Variants in TRPM2 observed in about 807,000 individuals in gnomAD.
The protein encoded by TRPM2 is transient receptor potential cation channel subfamily M member 2, also known as estrogen-responsive element-associated gene 1 protein.
Under a neutral mutation model 174.0 loss-of-function variants are expected in TRPM2, and 161 were observed. The observed-to-expected ratio is 0.93, with a 90% CI of 0.81 to 1.05. The LOEUF (loss-of-function observed/expected upper bound fraction) is 1.05, where lower values mean the gene tolerates loss of function less well. TRPM2 is among the 50% of genes least tolerant of loss of function. TRPM2 has a pLI of 0.00. For synonymous variants in TRPM2, 954 were observed against 861.3 expected (o/e 1.11, Z -1.88); for missense variants, 2,057 against 2,038.0 (o/e 1.01, Z -0.18).
chr21:44,418,721 G>A (rs561094896), intron 22 of TRPM2, among the ~76,000 whole-genome samples, 166 bp downstream of exon 22: 2 of 152,172 alleles, frequency 1.3e-5, no homozygotes, highest in Non-Finnish European at 2.9e-5. Flanking sequence ...ATCCGGGCCT[G>A]TGCCCACAGC....
At chr21:44,382,134 GATGGATAGATGGATAC>G (rs1031572647) in intron 8 of TRPM2, among the ~76,000 whole-genome samples, 26 of 152,192 alleles carry the variant, frequency 1.7e-4, no homozygotes, top group South Asian at 1.7e-3. Flanking sequence ...GATACATGTG[GATGGATAGATGGATAC>G]ATGGATAGAT....
intron 2 of TRPM2, among the ~76,000 whole-genome samples, chr21:44,358,384 C>T (rs1345990332): frequency 3.3e-5 from 5 of 152,062 alleles, no homozygotes; most frequent in Non-Finnish European, 7.4e-5. Context: ...AGGGAGCCCC[C>T]CTTGGGTGGC....
chr21:44,398,204 C>CTTTTTTTTTTTTTTT (rs1405409632), intron 13 of TRPM2, among the ~76,000 whole-genome samples: 1 of 81,084 alleles, frequency 1.2e-5, no homozygotes, highest in Admixed American at 1.5e-4. Context: ...AATTTGGAGA[C>CTTTTTTTTTTTTTTT]TGTTTTTTTT....
In TRPM2 at chr21:44,382,836, C is replaced by T. The variant is rs776085392; in HGVS notation, c.1318+16C>T. On this transcript the variant is annotated intron_variant, in intron 9 of 31. Transcript: ENST00000397928. ...TTGCTGAAAGGTGAGGGTCAGGGAA[C>T]ATGGGGGCAATGGGGTGGAGGCCAG... The T allele has an allele frequency of 1.8e-5, 29 of 1,607,696 alleles. No homozygotes were observed. The African/African-American group carries it at 2.0e-4, about 11-fold the overall frequency.
rs762955013 is a variant in TRPM2 at position 44,379,035 on chromosome 21, G to T, written c.1053G>T (p.Val351=). ...DNATTNGTPC[V]VVEGSGRVAD... is the part of the protein sequence containing the mutation. ...CCACCACCAACGGCACCCCCTGTGT[G>T]GTTGTGGAGGGCTCGGGCCGCGTGG... The change falls in exon 8 of 32, where the codon GTG becomes GTT. Residue 351 remains valine, a synonymous_variant. Coordinates refer to ENST00000397928, the MANE Select transcript of TRPM2 (RefSeq NM_003307.4). 1 of 1,609,916 alleles carries T rather than the reference G, an allele frequency of 6.2e-7. No individual in the cohort carries two copies. The highest frequency in any genetic ancestry group is 1.7e-5 in the Admixed American group (1 of 60,024).
chr21:44,375,377 C>T (rs1270585660), intron 5 of TRPM2, among the ~76,000 whole-genome samples: 1 of 152,246 alleles, frequency 6.6e-6, no homozygotes, highest in African/African-American at 2.4e-5. Flanking sequence ...TTCCTCACCC[C>T]AGACCTGTAT....
intron 11 of TRPM2, among the ~76,000 whole-genome samples, chr21:44,394,419 A>G (rs893209633): frequency 2.0e-5 from 3 of 146,862 alleles, no homozygotes; most frequent in African/African-American, 7.7e-5. Context: ...TCCTGGGTTC[A>G]GGCCATTGTC....
chr21:44,391,039 A>G lies in TRPM2; in HGVS notation c.1440+14A>G. The G allele has an allele frequency of 1.9e-6, 3 of 1,613,578 alleles. No homozygotes were observed. Among genetic ancestry groups the G allele is most frequent in the Non-Finnish European group, 2.5e-6 (3 of 1,180,006 alleles). On this transcript the variant is annotated intron_variant, in intron 10 of 31. Coordinates refer to ENST00000397928, the MANE Select transcript of TRPM2 (RefSeq NM_003307.4). This position sits in a 1 kb window ranked among gnomAD's most constrained non-coding sequence, Gnocchi z 5.0. Reference sequence around the variant, plus strand: ...TGGCAGTGGAAGGTAAGTCTTCCAGAGCACCCCGTGGAGGGGCCTACTGGG... The same window carrying G: ...TGGCAGTGGAAGGTAAGTCTTCCAGGGCACCCCGTGGAGGGGCCTACTGGG...
rs937228625 is a variant in TRPM2, at chr21:44,391,203, G to T, written c.1441-69G>T. On this transcript the variant is annotated intron_variant, in intron 10 of 31. Coordinates refer to ENST00000397928, the MANE Select transcript of TRPM2 (RefSeq NM_003307.4). The surrounding 1 kb of genome is among the most constrained non-coding windows in gnomAD (Gnocchi z 5.0). The stretch of plus-strand genomic sequence containing the variant: ...GACAACAGCAGCCCCCATCTCCAGG[G>T]TCTTTGAGATCAGGATGACATGGGG... 3.9e-6 allele frequency: 6 copies of T among 1,541,616 alleles called. No individual in the cohort carries two copies. In the East Asian group the frequency reaches 1.1e-4, roughly 29 times the overall value.
At chr21:44,440,585 G>A (rs1288410109) in intron 30 of TRPM2, among the ~76,000 whole-genome samples, 1 of 152,232 alleles carries the variant, frequency 6.6e-6, no homozygotes, top group East Asian at 1.9e-4. Context: ...GGGCAAGGAC[G>A]TGTCTGTCCA....
At position 44,366,268 on chromosome 21, in the gene TRPM2, G is replaced by C; in HGVS notation, c.424-486G>C. Reference sequence around the variant, plus strand: ...AGAGGGGATAGGGCAGAGGGGACAGGAGAGGGGACAGGAGAGGGGACAGGA... The same window carrying C: ...AGAGGGGATAGGGCAGAGGGGACAGCAGAGGGGACAGGAGAGGGGACAGGA... On this transcript the variant is annotated intron_variant, in intron 3 of 31. Transcript: ENST00000397928. This position sits in a 1 kb window ranked among gnomAD's most constrained non-coding sequence, Gnocchi z 6.0. Among the ~76,000 whole-genome samples, 1 of 84,884 alleles carries C rather than the reference G, an allele frequency of 1.2e-5. No individual in the cohort carries two copies. The highest frequency in any genetic ancestry group is 2.9e-4 in the East Asian group (1 of 3,500). The allele number at this position is 84,884 out of a possible 152,430, so 55.7% of individuals were successfully genotyped here.
chr21:44,435,470 CT>C (rs2146411959), intron 28 of TRPM2, among the ~76,000 whole-genome samples: 1 of 152,152 alleles, frequency 6.6e-6, no homozygotes, highest in South Asian at 2.1e-4. Context: ...GCTGCCTTCA[CT>C]TTCCTGCCGG....
chr21:44,403,879 C>T (rs1355430456), intron 16 of TRPM2, among the ~76,000 whole-genome samples: 2 of 151,212 alleles, frequency 1.3e-5, no homozygotes, highest in Non-Finnish European at 2.9e-5. Flanking sequence ...CACATACATA[C>T]ACATGCACAT....
intron 16 of TRPM2, among the ~76,000 whole-genome samples, chr21:44,404,619 GA>G (rs1370526211): frequency 6.6e-6 from 1 of 152,188 alleles, no homozygotes; most frequent in Non-Finnish European, 1.5e-5. Context: ...TGATGATAGT[GA>G]TAGTGATGAT....
chr21:44,376,371 C>G lies in TRPM2; in HGVS notation c.952+358C>G, dbSNP rs2048698814. On this transcript the variant is annotated intron_variant, in intron 6 of 31. Transcript: ENST00000397928. The surrounding 1 kb of genome is among the most constrained non-coding windows in gnomAD (Gnocchi z 4.2). ...GTGGGAGGGCGGTCTGGGGGGCTGGCAGCTCACCTGTGTGCTCGCAGGTAA... is the reference window on the plus strand; with the variant it reads ...GTGGGAGGGCGGTCTGGGGGGCTGGGAGCTCACCTGTGTGCTCGCAGGTAA... Among the ~76,000 whole-genome samples, 1 of 152,152 alleles carries G rather than the reference C, an allele frequency of 6.6e-6. No individual in the cohort carries two copies. The highest frequency in any genetic ancestry group is 6.5e-5 in the Admixed American group (1 of 15,288).
At chr21:44,371,306 C>T (rs2048534960) in intron 5 of TRPM2, among the ~76,000 whole-genome samples, 3 of 140,178 alleles carry the variant, frequency 2.1e-5, no homozygotes, top group Admixed American at 2.1e-4. Flanking sequence ...GTCCCGTGGC[C>T]GCCTCCCTCC....
chr21:44,440,028 A>C (rs1012785760), intron 30 of TRPM2, among the ~76,000 whole-genome samples: 13 of 150,276 alleles, frequency 8.7e-5, no homozygotes, highest in Admixed American at 3.3e-4. Flanking sequence ...CCCTTTATGG[A>C]CGCTCTTTAT....
chr21:44,398,242 C>T (rs942778489), intron 13 of TRPM2, among the ~76,000 whole-genome samples: 1 of 147,130 alleles, frequency 6.8e-6, no homozygotes, highest in African/African-American at 2.7e-5. Flanking sequence ...GCTCTGTTGC[C>T]CAGGCTGGAG....
intron 9 of TRPM2, among the ~76,000 whole-genome samples, chr21:44,383,587 C>T (rs545878126): frequency 3.5e-4 from 54 of 152,222 alleles, no homozygotes; most frequent in African/African-American, 1.3e-3. Flanking sequence ...ACACAAACAG[C>T]GAGATGATAG....
Sources: allele counts gnomAD v4.1 joint callset (sites outside exome capture counted in the v4.1 genomes callset), GRCh38; gene constraint gnomAD v4.1.1; non-coding constraint Gnocchi (gnomAD v3.1); transcripts MANE v1.5; gene names NCBI Gene and HGNC (gene_info 2026-07-23, HGNC 2026-07-21).